TEX11: variants seen among roughly 807,000 people sequenced by gnomAD.
TEX11 encodes the protein testis expressed 11, also known as testis-expressed protein 11.
A neutral mutation model predicts 84.4 loss-of-function variants in TEX11; 7 were observed. The observed-to-expected ratio is 0.08, with a 90% CI of 0.05 to 0.16. TEX11 has a LOEUF of 0.16. Among genes scored for constraint, TEX11 ranks in the 10% least tolerant of loss-of-function variants. The pLI is 1.00. For missense variants in TEX11, 551 were observed against 660.5 expected, an observed-to-expected ratio of 0.83 and a Z score of 1.82; for synonymous variants, 264 against 222.8, an observed-to-expected ratio of 1.18 and a Z score of -1.64.
chrX:70,767,733 C>T (rs1163321038), intron 9 of TEX11, among the ~76,000 whole-genome samples: 1 of 111,566 alleles, frequency 9.0e-6, no homozygotes, highest in Non-Finnish European at 1.9e-5. Flanking sequence ...TAAGTATCCA[C>T]GGATAGATGA....
chrX:70,604,575 G>A (rs146254358), intron 24 of TEX11, among the ~76,000 whole-genome samples: 1,898 of 111,212 alleles, frequency 0.017, 40 homozygotes, highest in African/African-American at 0.058. Flanking sequence ...TCTGGTGAGA[G>A]TTTGTTTCAG....
chrX:70,775,796 T>A (rs866161756), intron 9 of TEX11, among the ~76,000 whole-genome samples: 1 of 10,530 alleles, frequency 9.5e-5, no homozygotes, highest in Non-Finnish European at 2.0e-4. Flanking sequence ...CGAGACTCCG[T>A]CTCAAAAAAA....
chrX:70,676,394 T>C (rs968659298), intron 15 of TEX11, among the ~76,000 whole-genome samples: 3 of 112,314 alleles, frequency 2.7e-5, no homozygotes, highest in Non-Finnish European at 5.6e-5. Context: ...CAGGTTTTAA[T>C]TTTCTTTCAT....
At chrX:70,842,824 C>G (rs2091454844) in intron 7 of TEX11, among the ~76,000 whole-genome samples, 1 of 111,604 alleles carries the variant, frequency 9.0e-6, no homozygotes, top group Non-Finnish European at 1.9e-5. Flanking sequence ...CACAAGCATT[C>G]TTATACACCA....
At chrX:70,525,845 G>A (rs1267373663), downstream of TEX11, among the ~76,000 whole-genome samples, 1 of 112,309 alleles carries the variant, frequency 8.9e-6, no homozygotes, top group Non-Finnish European at 1.9e-5. Flanking sequence ...TCAAAGATAA[G>A]TAGGAGCAAA....
intron 9 of TEX11, among the ~76,000 whole-genome samples, chrX:70,785,800 A>G (rs2091074753): frequency 1.8e-5 from 2 of 112,098 alleles, no homozygotes; most frequent in South Asian, 7.5e-4. Context: ...AATAGAGATC[A>G]TTAAAAAGTC....
At chrX:70,641,260 T>G (rs1434837984) in intron 17 of TEX11, among the ~76,000 whole-genome samples, 2 of 111,209 alleles carry the variant, frequency 1.8e-5, no homozygotes, top group African/African-American at 6.5e-5. Flanking sequence ...GCACCCAGAT[T>G]CATAAAGCAA....
chrX:70,752,825 T>C (rs6624499), intron 9 of TEX11, among the ~76,000 whole-genome samples: 10,667 of 110,280 alleles, frequency 0.097, 526 homozygotes, highest in East Asian at 0.2. Context: ...AAAAACAGTC[T>C]TGAATCGCAG....
intron 20 of TEX11, among the ~76,000 whole-genome samples, chrX:70,615,867 T>C (rs765335583): frequency 9.0e-6 from 1 of 110,593 alleles, no homozygotes. Context: ...TGGGAGACAA[T>C]GGCATGACGT....
intron 29 of TEX11, among the ~76,000 whole-genome samples, 179 bp from the exon 30 acceptor site, chrX:70,529,366 G>A (rs1035527443): frequency 8.9e-6 from 1 of 112,293 alleles, no homozygotes; most frequent in Non-Finnish European, 1.9e-5. Flanking sequence ...TTATAAGGGA[G>A]AAGATACTTA....
chrX:70,811,648 T>C (rs1250420664), intron 8 of TEX11, among the ~76,000 whole-genome samples: 1 of 110,904 alleles, frequency 9.0e-6, no homozygotes, highest in African/African-American at 3.3e-5. Context: ...ACCAACAGTG[T>C]AAAAGTGTTC....
chrX:70,893,937 A>G (rs755206236), intron 2 of TEX11, among the ~76,000 whole-genome samples: 161 of 112,082 alleles, frequency 1.4e-3, no homozygotes, highest in African/African-American at 5.1e-3. Context: ...CAGAGAATAC[A>G]ATAAACATCT....
At chrX:70,705,444 C>T (rs1170343092) in intron 13 of TEX11, among the ~76,000 whole-genome samples, 1 of 111,294 alleles carries the variant, frequency 9.0e-6, no homozygotes, top group Non-Finnish European at 1.9e-5. Context: ...GCAACAAAAG[C>T]CAAAAGTGAC....
intron 27 of TEX11, among the ~76,000 whole-genome samples, chrX:70,553,072 C>T (rs1380494782): frequency 1.8e-5 from 2 of 112,139 alleles, no homozygotes; most frequent in Admixed American, 1.9e-4. Flanking sequence ...CAGATTCACA[C>T]AAAGAAGCAA....
intron 9 of TEX11, among the ~76,000 whole-genome samples, chrX:70,769,160 A>C (rs1368306685): frequency 8.9e-6 from 1 of 111,774 alleles, no homozygotes; most frequent in Non-Finnish European, 1.9e-5. Context: ...CACCTTAGGA[A>C]AAGGGAAAAG....
intron 25 of TEX11, among the ~76,000 whole-genome samples, chrX:70,587,599 A>C (rs948440689): frequency 5.2e-4 from 58 of 112,463 alleles, no homozygotes; most frequent in African/African-American, 1.8e-3. Context: ...TCCGTGGAGA[A>C]GTTTGCTGCA....
At chrX:70,721,798 A>G (rs890437650) in intron 13 of TEX11, among the ~76,000 whole-genome samples, 1 of 112,081 alleles carries the variant, frequency 8.9e-6, no homozygotes, top group African/African-American at 3.2e-5. Flanking sequence ...CACAAGCCCA[A>G]AATGTATACT....
chrX:70,883,159 T>G (rs1350050071), intron 2 of TEX11, among the ~76,000 whole-genome samples: 1 of 111,899 alleles, frequency 8.9e-6, no homozygotes, highest in Non-Finnish European at 1.9e-5. Flanking sequence ...TTGTTTTTGT[T>G]TTTGTTTTGA....
intron 25 of TEX11, among the ~76,000 whole-genome samples, chrX:70,580,200 G>T (rs996497380): frequency 8.9e-6 from 1 of 112,157 alleles, no homozygotes; most frequent in Admixed American, 9.4e-5. Flanking sequence ...AATAAGCCAG[G>T]CATAGAAAGA....
Sources: allele counts gnomAD v4.1 joint callset (sites outside exome capture counted in the v4.1 genomes callset), GRCh38; gene constraint gnomAD v4.1.1; transcripts MANE v1.5; gene names NCBI Gene and HGNC (gene_info 2026-07-23, HGNC 2026-07-21).